MEGF10: variants seen among roughly 807,000 people sequenced by gnomAD.
MEGF10 encodes the protein multiple EGF like domains 10.
MEGF10 carries 86 observed loss-of-function variants against 147.5 expected under a neutral mutation model. The ratio of observed to expected loss-of-function variants is 0.58; its 90% CI spans 0.49 to 0.70. The LOEUF is 0.70. Among genes scored for constraint, MEGF10 ranks in the 30% least tolerant of loss-of-function variants. MEGF10 has a pLI of 0.00. For synonymous variants in MEGF10, 478 were observed against 525.5 expected (o/e 0.91, Z 1.24); for missense variants, 1,329 against 1,487.3 (o/e 0.89, Z 1.75).
chr5:127,293,334 C>A (rs1759349267), intron 1 of MEGF10, among the ~76,000 whole-genome samples: 2 of 152,212 alleles, frequency 1.3e-5, no homozygotes, highest in East Asian at 3.8e-4. Context: ...CTCTGTCTGT[C>A]TTTCACTATT....
At chr5:127,262,695 G>A in the MEGF10 span, among the ~76,000 whole-genome samples, 379 of 152,206 alleles carry the variant, frequency 2.5e-3, 3 homozygotes, top group Middle Eastern at 0.02. Context: ...TCTCATCTCT[G>A]TTCTTCCTTC....
At chr5:127,371,843 C>T (rs1361709037) in intron 5 of MEGF10, among the ~76,000 whole-genome samples, 1 of 152,174 alleles carries the variant, frequency 6.6e-6, no homozygotes, top group African/African-American at 2.4e-5. Flanking sequence ...TTTTTTACAA[C>T]TCACGTTTTG....
chr5:127,277,452 A>G, the MEGF10 span, among the ~76,000 whole-genome samples: 1 of 152,176 alleles, frequency 6.6e-6, no homozygotes, highest in Non-Finnish European at 1.5e-5. Context: ...TCCTGAGAGC[A>G]AACCCAAGAA....
intron 5 of MEGF10, among the ~76,000 whole-genome samples, chr5:127,375,808 A>C (rs1055943690): frequency 6.6e-6 from 1 of 152,226 alleles, no homozygotes; most frequent in Non-Finnish European, 1.5e-5. Flanking sequence ...AGCACAGTAA[A>C]ACTTCCATTT....
At chr5:127,247,433 A>ATTT in the MEGF10 span, among the ~76,000 whole-genome samples, 1 of 108,652 alleles carries the variant, frequency 9.2e-6, no homozygotes, top group Non-Finnish European at 1.9e-5. Flanking sequence ...AAGAAGAAGA[A>ATTT]GAAGAAGAAG....
rs531608910 is a variant in MEGF10, at chr5:127,437,480, G to A, written c.2105-959G>A. On this transcript the variant is annotated intron_variant, in intron 16 of 24. Coordinates refer to ENST00000503335, the MANE Select transcript of MEGF10 (RefSeq NM_001256545.2). ...AGTTACTTCATATGTATTATTGATT[G>A]TCTTTATAGGTCCACATTCCCTATG... 1.1e-3 allele frequency among the ~76,000 whole-genome samples: 173 copies of A among 152,268 alleles called. 1 individual carries two copies. Among genetic ancestry groups the A allele is most frequent in the African/African-American group, 3.9e-3 (162 of 41,556 alleles).
chr5:127,448,059 C>T (rs1349777161), intron 21 of MEGF10, among the ~76,000 whole-genome samples: 1 of 152,062 alleles, frequency 6.6e-6, no homozygotes, highest in African/African-American at 2.4e-5. Context: ...AACATAAAGA[C>T]CTATAGCAGA....
chr5:127,244,891 A>C, the MEGF10 span, among the ~76,000 whole-genome samples: 1 of 152,168 alleles, frequency 6.6e-6, no homozygotes, highest in African/African-American at 2.4e-5. Context: ...AATCAAAATA[A>C]AGAATTTTAG....
intron 1 of MEGF10, among the ~76,000 whole-genome samples, chr5:127,313,835 A>C (rs568401372): frequency 1.1e-4 from 17 of 152,210 alleles, no homozygotes; most frequent in Non-Finnish European, 2.1e-4. Flanking sequence ...AGGATTATTC[A>C]ATTGCTGAAA....
At chr5:127,421,863 A>T (rs552441706) in intron 12 of MEGF10, among the ~76,000 whole-genome samples, 61 of 149,504 alleles carry the variant, frequency 4.1e-4, no homozygotes, top group African/African-American at 1.3e-3. Flanking sequence ...TAAATTATAA[A>T]TTTTTTTATA....
intron 13 of MEGF10, among the ~76,000 whole-genome samples, chr5:127,425,567 G>T (rs1216930741): frequency 6.6e-6 from 1 of 151,718 alleles, no homozygotes; most frequent in African/African-American, 2.4e-5. Context: ...TAGAGGAAAA[G>T]AAAATTACTG....
intron 13 of MEGF10, among the ~76,000 whole-genome samples, chr5:127,431,677 G>A (rs1765390759): frequency 6.6e-6 from 1 of 152,184 alleles, no homozygotes; most frequent in African/African-American, 2.4e-5. Flanking sequence ...CTTAGCTGTT[G>A]TTAAGCAGGA....
At chr5:127,450,752 T>G (rs1310858951) in intron 22 of MEGF10, among the ~76,000 whole-genome samples, 1 of 152,070 alleles carries the variant, frequency 6.6e-6, no homozygotes, top group Non-Finnish European at 1.5e-5. Flanking sequence ...TTGTTTTGTT[T>G]TGTTTTGTTT....
intron 4 of MEGF10, among the ~76,000 whole-genome samples, chr5:127,359,898 G>T (rs1302582876): frequency 6.6e-6 from 1 of 152,104 alleles, no homozygotes; most frequent in Non-Finnish European, 1.5e-5. Flanking sequence ...AATACCTGGA[G>T]TTGGATGGCT....
At position 127,458,142 on chromosome 5, in the gene MEGF10, A is replaced by G. The variant is rs1766432557; in HGVS notation, c.*824A>G. 1 of 152,206 alleles carries G rather than the reference A, an allele frequency of 6.6e-6. No individual in the cohort carries two copies. The highest frequency in any genetic ancestry group is 1.5e-5 in the Non-Finnish European group (1 of 68,044). 9.4% of individuals were successfully genotyped at this position (152,206 alleles called of 1,614,324 possible). ...TAACATATCAATAGTTATTTCATAA[A>G]TATAGAAATGAAATAATTTTATTTT... On this transcript the variant is annotated 3_prime_UTR_variant, in exon 25 of 25. Coordinates refer to ENST00000503335, the MANE Select transcript of MEGF10 (RefSeq NM_001256545.2).
intron 4 of MEGF10, among the ~76,000 whole-genome samples, chr5:127,366,188 G>A (rs1301514083): frequency 6.6e-6 from 1 of 152,118 alleles, no homozygotes; most frequent in African/African-American, 2.4e-5. Flanking sequence ...TCATGAATGT[G>A]CCATAGTCAG....
chr5:127,436,904 CTT>C (rs1405982916), intron 16 of MEGF10, among the ~76,000 whole-genome samples: 3 of 152,164 alleles, frequency 2.0e-5, no homozygotes, highest in Non-Finnish European at 4.4e-5. Context: ...AAAACACAGA[CTT>C]TGAAAACTTA....
At chr5:127,262,923 G>C in the MEGF10 span, among the ~76,000 whole-genome samples, 1 of 152,052 alleles carries the variant, frequency 6.6e-6, no homozygotes, top group Non-Finnish European at 1.5e-5. Flanking sequence ...GCCATACACT[G>C]GTAGAAATAG....
chr5:127,392,057 T>C (rs1306447355), intron 5 of MEGF10, among the ~76,000 whole-genome samples: 1 of 151,982 alleles, frequency 6.6e-6, no homozygotes, highest in Non-Finnish European at 1.5e-5. Context: ...CCATGGAAAA[T>C]AGATAATGCC....
Sources: gnomAD v4.1 joint callset for allele counts (sites outside exome capture counted in the v4.1 genomes callset) on GRCh38, gnomAD v4.1.1 for gene constraint, MANE v1.5 for transcripts, NCBI Gene and HGNC (gene_info 2026-07-23, HGNC 2026-07-21) for gene names.